The following STK38L variants were observed in gnomAD, a reference collection of about 807,000 sequenced individuals.
The protein encoded by STK38L is serine/threonine kinase 38 like.
Under a neutral mutation model 59.7 loss-of-function variants are expected in STK38L, and 28 were observed. The observed-to-expected ratio is 0.47, with a 90% CI of 0.35 to 0.64. STK38L has a LOEUF of 0.64. Ranked by LOEUF, STK38L falls within the 30% of genes least tolerant of loss-of-function variation. The pLI is 0.01. For synonymous variants in STK38L, 162 were observed against 176.8 expected, an observed-to-expected ratio of 0.92 and a Z score of 0.66; for missense variants, 314 against 555.8, an observed-to-expected ratio of 0.56 and a Z score of 4.37.
chr12:27,277,783 G>A (rs1049158846), intron 1 of STK38L, among the ~76,000 whole-genome samples: 10 of 151,184 alleles, frequency 6.6e-5, no homozygotes, highest in African/African-American at 1.7e-4. Context: ...GTTTATTCAA[G>A]TAAAATTTAA....
At chr12:27,311,934 C>T (rs1944463779) in intron 5 of STK38L, among the ~76,000 whole-genome samples, 1 of 151,786 alleles carries the variant, frequency 6.6e-6, no homozygotes, top group Non-Finnish European at 1.5e-5. Context: ...AGCTGGAGTG[C>T]AGTGACGCAA....
In STK38L at chr12:27,297,707, C is replaced by T; in HGVS notation, c.-11-3C>T. 1.9e-6 allele frequency: 3 copies of T among 1,593,014 alleles called. No individual in the cohort carries two copies. The highest frequency in any genetic ancestry group is 1.3e-5 in the African/African-American group (1 of 74,134). ...AATAATTTGTTTTTCTATGTTGTTT[C>T]AGTTTCCGTTACTATGGCAATGACG... On this transcript the variant is annotated splice_polypyrimidine_tract_variant and splice_region_variant and intron_variant, in intron 1 of 13. Coordinates refer to ENST00000389032, the MANE Select transcript of STK38L (RefSeq NM_015000.4).
chr12:27,292,141 C>T (rs1397134462), intron 1 of STK38L, among the ~76,000 whole-genome samples: 1 of 152,128 alleles, frequency 6.6e-6, no homozygotes, highest in Non-Finnish European at 1.5e-5. Flanking sequence ...CAAATTGTAT[C>T]CTGTTCTTTT....
At chr12:27,270,475 T>G (rs572118441) in intron 1 of STK38L, among the ~76,000 whole-genome samples, 1 of 152,164 alleles carries the variant, frequency 6.6e-6, no homozygotes, top group African/African-American at 2.4e-5. Flanking sequence ...CCTCTTGGGT[T>G]TGAGCAATTA....
In STK38L at chr12:27,322,621, G is replaced by T. The variant is rs1591952766; in HGVS notation, c.*166G>T. ...GATTTCTAAGACTACTATAGGAATT[G>T]GTTGGCAGTGCCAGCTGGCTCTTTT... is the stretch of plus-strand genomic sequence containing the variant. On this transcript the variant is annotated 3_prime_UTR_variant, in exon 14 of 14. Coordinates refer to ENST00000389032, the MANE Select transcript of STK38L (RefSeq NM_015000.4). 6.1e-6 allele frequency: 5 copies of T among 824,804 alleles called. No homozygotes were observed. Among genetic ancestry groups the T allele is most frequent in the Admixed American group, 6.9e-5 (2 of 29,100 alleles). 51.1% of individuals were successfully genotyped at this position (824,804 alleles called of 1,614,324 possible). A position where few individuals can be genotyped will look rare whatever the true frequency, so the allele number is the denominator to read the frequency against.
intron 2 of STK38L, chr12:27,300,545 T>C (rs1225500643): frequency 2.2e-6 from 1 of 455,950 alleles, no homozygotes; most frequent in Non-Finnish European, 4.4e-6. Flanking sequence ...CTCTGGATTC[T>C]TTCTGCAGAG....
intron 1 of STK38L, among the ~76,000 whole-genome samples, chr12:27,244,609 C>T (rs1405838625): frequency 6.6e-6 from 1 of 152,214 alleles, no homozygotes; most frequent in African/African-American, 2.4e-5. Flanking sequence ...TCCCCGGCCC[C>T]CGAGCACTCC....
At chr12:27,302,835 C>T (rs533618039) in intron 3 of STK38L, among the ~76,000 whole-genome samples, 5 of 151,206 alleles carry the variant, frequency 3.3e-5, no homozygotes, top group East Asian at 3.9e-4. Flanking sequence ...GGTGAAACCC[C>T]GTCACTGCTA....
At chr12:27,315,862 T>C (rs918620181) in intron 9 of STK38L, among the ~76,000 whole-genome samples, 3 of 152,218 alleles carry the variant, frequency 2.0e-5, no homozygotes, top group Admixed American at 6.5e-5. Flanking sequence ...ACTCCTTTAA[T>C]ATAGAATTAC....
At position 27,315,895 on chromosome 12, in the gene STK38L, T is replaced by A. The variant is rs893083150; in HGVS notation, c.837+545T>A. ...TACATTATTTTTAACCCCATACTAT[T>A]TCCTTTCTATAACTGAGCAAATAGA... is the stretch of plus-strand genomic sequence containing the variant. On this transcript the variant is annotated intron_variant, in intron 9 of 13. Coordinates refer to ENST00000389032, the MANE Select transcript of STK38L (RefSeq NM_015000.4). 4.6e-5 allele frequency among the ~76,000 whole-genome samples: 7 copies of A among 152,330 alleles called. No homozygotes were observed. The South Asian group carries it at 1.4e-3, about 32-fold the overall frequency.
chr12:27,316,380 T>C lies in STK38L; in HGVS notation c.838-956T>C, dbSNP rs550642165. Among the ~76,000 whole-genome samples, 3 of 152,324 alleles carry C rather than the reference T, an allele frequency of 2.0e-5. No individual in the cohort carries two copies. In the East Asian group the frequency reaches 5.8e-4, roughly 29 times the overall value. On this transcript the variant is annotated intron_variant, in intron 9 of 13. Transcript: ENST00000389032. ...GGAAAAACTGAATACTGCTCAAAATTATGGTGGGGGAATTCTGTACCCCCC... is the reference window on the plus strand; with the variant it reads ...GGAAAAACTGAATACTGCTCAAAATCATGGTGGGGGAATTCTGTACCCCCC...
In STK38L at chr12:27,303,066, A is replaced by C. The variant is rs140462927; in HGVS notation, c.186+878A>C. Among the ~76,000 whole-genome samples, 460 of 149,064 alleles carry C rather than the reference A, an allele frequency of 3.1e-3. 5 individuals carry two copies. Among genetic ancestry groups the C allele is most frequent in the African/African-American group, 0.011 (434 of 40,564 alleles). On this transcript the variant is annotated intron_variant, in intron 3 of 13. Transcript: ENST00000389032. ...TACCTTCACTACTTGGCCTCTGCTT[A>C]TCTCTCTCTAGCCTCATCTCTTGTC...
intron 1 of STK38L, among the ~76,000 whole-genome samples, chr12:27,261,440 A>G (rs1463629394): frequency 6.6e-6 from 1 of 152,162 alleles, no homozygotes; most frequent in African/African-American, 2.4e-5. Flanking sequence ...TTTAATACCC[A>G]TATTCTGGGC....
Position 27,268,093 on chromosome 12 carries a change from G to A in STK38L, c.-12+23761G>A, listed in dbSNP as rs1393888289. On this transcript the variant is annotated intron_variant, in intron 1 of 13. Coordinates refer to ENST00000389032, the MANE Select transcript of STK38L (RefSeq NM_015000.4). Reference sequence around the variant, plus strand: ...TTACAATTATCTTCTGCTAGTCGGTGGCTTATTTTTCATTCTGTGATGCTA... The same window carrying A: ...TTACAATTATCTTCTGCTAGTCGGTAGCTTATTTTTCATTCTGTGATGCTA... 7.2e-5 allele frequency among the ~76,000 whole-genome samples: 11 copies of A among 152,014 alleles called. No individual in the cohort carries two copies. The East Asian group carries it at 1.7e-3, about 24-fold the overall frequency.
intron 8 of STK38L, 52 bp from the exon 9 acceptor site, chr12:27,315,237 T>C (rs1426983303): frequency 6.2e-7 from 1 of 1,601,556 alleles, no homozygotes; most frequent in Non-Finnish European, 8.6e-7. Flanking sequence ...TATTTTCTTT[T>C]TGTGGAGAGC....
intron 9 of STK38L, among the ~76,000 whole-genome samples, chr12:27,316,478 C>G (rs1442316483): frequency 6.6e-6 from 1 of 152,136 alleles, no homozygotes; most frequent in Non-Finnish European, 1.5e-5. Context: ...GTTGCCAAGC[C>G]TTAGATCGAG....
intron 1 of STK38L, among the ~76,000 whole-genome samples, chr12:27,284,903 G>A (rs776333062): frequency 6.6e-6 from 1 of 152,166 alleles, no homozygotes; most frequent in Non-Finnish European, 1.5e-5. Flanking sequence ...TCATGGTTGC[G>A]GAAGTCAAGT....
intron 1 of STK38L, among the ~76,000 whole-genome samples, chr12:27,284,316 A>G (rs1274138975): frequency 6.6e-6 from 1 of 152,210 alleles, no homozygotes; most frequent in Non-Finnish European, 1.5e-5. Flanking sequence ...GTTAGGTGAC[A>G]TGGACTAATC....
intron 5 of STK38L, 43 bp downstream of exon 5, chr12:27,309,240 G>A: frequency 7.0e-7 from 1 of 1,428,622 alleles, no homozygotes. Flanking sequence ...AGCATCCACT[G>A]ACGCAGTGTT....
Sources: allele counts gnomAD v4.1 joint callset (sites outside exome capture counted in the v4.1 genomes callset), GRCh38; gene constraint gnomAD v4.1.1; transcripts MANE v1.5; gene names NCBI Gene and HGNC (gene_info 2026-07-23, HGNC 2026-07-21).